The following ERI3 variants were observed in gnomAD, a reference collection of about 807,000 sequenced individuals.
The protein encoded by ERI3 is ERI1 exoribonuclease 3.
In ERI3, 18 loss-of-function variants were observed where a neutral mutation model predicts 44.4. That is an observed-to-expected ratio of 0.41 (90% CI 0.28 to 0.60). The LOEUF (loss-of-function observed/expected upper bound fraction) is 0.60. Ranked by LOEUF, ERI3 falls within the 20% of genes least tolerant of loss-of-function variation. The pLI is 0.36. For synonymous variants in ERI3, 183 were observed against 164.8 expected, an observed-to-expected ratio of 1.11 and a Z score of -0.84; for missense variants, 294 against 435.5, an observed-to-expected ratio of 0.68 and a Z score of 2.89.
At chr1:44,225,684 G>T (rs1024077060) in intron 8 of ERI3, among the ~76,000 whole-genome samples, 5 of 152,190 alleles carry the variant, frequency 3.3e-5, no homozygotes, top group African/African-American at 1.2e-4. Flanking sequence ...CAGAAGGGTT[G>T]CTCAGATCAC....
chr1:44,280,264 T>C (rs541301955), intron 7 of ERI3, among the ~76,000 whole-genome samples: 21 of 152,374 alleles, frequency 1.4e-4, no homozygotes, highest in African/African-American at 4.1e-4. Flanking sequence ...TGTCACTAAC[T>C]GAATTTTTAT....
chr1:44,337,081 G>A (rs1646549519), intron 3 of ERI3, among the ~76,000 whole-genome samples: 1 of 152,342 alleles, frequency 6.6e-6, no homozygotes, highest in East Asian at 1.9e-4. Flanking sequence ...AGACCAAACT[G>A]AGACATGATT....
rs1004102686 is a variant in ERI3 at position 44,221,911 on chromosome 1, G to A, written c.932-271C>T. On this transcript the variant is annotated intron_variant, in intron 8 of 8. Coordinates refer to ENST00000372257, the MANE Select transcript of ERI3 (RefSeq NM_024066.3). This position sits in a 1 kb window ranked among gnomAD's most constrained non-coding sequence, Gnocchi z 5.9. The stretch of plus-strand genomic sequence containing the variant: ...GTCCCGCCCCAGCCCCAGCGGTGAT[G>A]TATGGGCGCCGTCGCAGTAAGAAAA... Among the ~76,000 whole-genome samples the A allele has an allele frequency of 6.6e-6, 1 of 152,250 alleles. No homozygotes were observed. Among genetic ancestry groups the A allele is most frequent in the African/African-American group, 2.4e-5 (1 of 41,476 alleles).
chr1:44,316,742 C>T (rs1352867444), intron 4 of ERI3, among the ~76,000 whole-genome samples: 1 of 152,186 alleles, frequency 6.6e-6, no homozygotes, highest in Non-Finnish European at 1.5e-5. Context: ...TTTACTGGCA[C>T]TTAGCAAAAT....
At chr1:44,262,832 C>CT (rs1276041647) in intron 7 of ERI3, among the ~76,000 whole-genome samples, 2 of 152,210 alleles carry the variant, frequency 1.3e-5, no homozygotes, top group African/African-American at 2.4e-5. Flanking sequence ...TCTCCAGATT[C>CT]TTTCCTCCCA....
At chr1:44,224,932 AAT>A (rs201268174) in intron 8 of ERI3, among the ~76,000 whole-genome samples, 1 of 152,144 alleles carries the variant, frequency 6.6e-6, no homozygotes, top group Non-Finnish European at 1.5e-5. Flanking sequence ...AGCCTTGACA[AAT>A]ATATATATAT....
At chr1:44,230,486 TA>T (rs1644154880) in intron 8 of ERI3, 1 of 152,222 alleles carries the variant, frequency 6.6e-6, no homozygotes, top group Non-Finnish European at 1.5e-5. Flanking sequence ...GTGGATTCAA[TA>T]GGAAGGTGTC....
At chr1:44,327,346 C>A (rs900928915) in intron 3 of ERI3, among the ~76,000 whole-genome samples, 3 of 152,288 alleles carry the variant, frequency 2.0e-5, no homozygotes, top group Non-Finnish European at 4.4e-5. Context: ...GGCCTGCCTC[C>A]CAGTCACCTG....
At chr1:44,344,947 G>A (rs527689721) in intron 2 of ERI3, among the ~76,000 whole-genome samples, 4 of 152,298 alleles carry the variant, frequency 2.6e-5, no homozygotes, top group South Asian at 2.1e-4. Flanking sequence ...GCAGGCCTGC[G>A]CCAGAGCCCC....
intron 3 of ERI3, among the ~76,000 whole-genome samples, chr1:44,324,476 CTTTTTTT>C (rs35475844): frequency 1.1e-5 from 1 of 90,432 alleles, no homozygotes; most frequent in Non-Finnish European, 2.1e-5. Context: ...AACATAGACT[CTTTTTTT>C]TTTTTTTTTT....
intron 6 of ERI3, among the ~76,000 whole-genome samples, chr1:44,303,138 G>A (rs914803737): frequency 6.6e-6 from 1 of 152,124 alleles, no homozygotes; most frequent in Non-Finnish European, 1.5e-5. Context: ...AAAGCATTTC[G>A]CACTGCTCCT....
At chr1:44,268,404 T>C (rs546511821) in intron 7 of ERI3, among the ~76,000 whole-genome samples, 28 of 152,338 alleles carry the variant, frequency 1.8e-4, no homozygotes, top group African/African-American at 6.7e-4. Context: ...CTGAGGGCAC[T>C]GTACCATACA....
chr1:44,315,498 A>C (rs944335651), intron 4 of ERI3, among the ~76,000 whole-genome samples: 4 of 151,876 alleles, frequency 2.6e-5, no homozygotes, highest in Admixed American at 6.5e-5. Flanking sequence ...ACTAAACCCA[A>C]CTCTCCCACC....
intron 7 of ERI3, among the ~76,000 whole-genome samples, chr1:44,255,138 A>C (rs1472136163): frequency 6.6e-6 from 1 of 152,154 alleles, no homozygotes; most frequent in East Asian, 1.9e-4. Context: ...GTTAAGTTTT[A>C]GATTATTTTT....
intron 6 of ERI3, among the ~76,000 whole-genome samples, chr1:44,296,052 T>C (rs1326106515): frequency 1.3e-5 from 2 of 152,134 alleles, no homozygotes; most frequent in African/African-American, 4.8e-5. Flanking sequence ...ACTGTGCTCG[T>C]CCTAGCTAAA....
At chr1:44,266,842 T>TA (rs1287527790) in intron 7 of ERI3, among the ~76,000 whole-genome samples, 1 of 152,236 alleles carries the variant, frequency 6.6e-6, no homozygotes, top group Non-Finnish European at 1.5e-5. Flanking sequence ...CTCAGTGCCT[T>TA]ACGCAGGTTC....
At chr1:44,352,315 T>C (rs1303373170) in intron 2 of ERI3, among the ~76,000 whole-genome samples, 1 of 152,146 alleles carries the variant, frequency 6.6e-6, no homozygotes, top group Non-Finnish European at 1.5e-5. Context: ...CCAGGTGTAG[T>C]GGCACATGCC....
chr1:44,239,746 G>A (rs985048966), intron 8 of ERI3, among the ~76,000 whole-genome samples: 16 of 152,328 alleles, frequency 1.1e-4, no homozygotes, highest in African/African-American at 2.4e-4. Context: ...GAGTGTAAGC[G>A]TTTCCATCCT....
chr1:44,259,514 C>T (rs932484929), intron 7 of ERI3, among the ~76,000 whole-genome samples: 2 of 152,128 alleles, frequency 1.3e-5, no homozygotes, highest in Non-Finnish European at 1.5e-5. Context: ...TCCACTACCA[C>T]GCTATGTGAT....
Sources: gnomAD v4.1 joint callset for allele counts (sites outside exome capture counted in the v4.1 genomes callset) on GRCh38, gnomAD v4.1.1 for gene constraint, Gnocchi (gnomAD v3.1) non-coding constraint, MANE v1.5 for transcripts, NCBI Gene and HGNC (gene_info 2026-07-23, HGNC 2026-07-21) for gene names.